KSR2: variants seen among roughly 807,000 people sequenced by gnomAD.
The protein encoded by KSR2 is kinase suppressor of ras 2.
KSR2 carries 25 observed loss-of-function variants against 107.8 expected under a neutral mutation model. The observed-to-expected ratio is 0.23, with a 90% CI of 0.17 to 0.32. The LOEUF is 0.32. Among genes scored for constraint, KSR2 ranks in the 10% least tolerant of loss-of-function variants. The probability of loss-of-function intolerance (pLI) is 1.00; values close to 1 mark genes in which losing one functional copy is unlikely to be tolerated. For synonymous variants in KSR2, 480 were observed against 507.0 expected, an observed-to-expected ratio of 0.95 and a Z score of 0.71; for missense variants, 887 against 1,268.9, an observed-to-expected ratio of 0.70 and a Z score of 4.57.
intron 3 of KSR2, among the ~76,000 whole-genome samples, chr12:117,815,242 A>T (rs2137060628): frequency 6.6e-6 from 1 of 152,368 alleles, no homozygotes; most frequent in African/African-American, 2.4e-5. Flanking sequence ...TGTAACAGCA[A>T]AAGATTGCAA....
chr12:117,932,938 G>A (rs1308083518), intron 1 of KSR2, among the ~76,000 whole-genome samples: 1 of 151,592 alleles, frequency 6.6e-6, no homozygotes, highest in East Asian at 1.9e-4. Context: ...GCTTGAACCT[G>A]GGAGGCAGAG....
chr12:117,491,431 C>T (rs533414603), intron 14 of KSR2, among the ~76,000 whole-genome samples: 7 of 152,272 alleles, frequency 4.6e-5, no homozygotes, highest in Admixed American at 1.3e-4. Flanking sequence ...GCCCCCATCT[C>T]GGCCTCCCAA....
intron 4 of KSR2, among the ~76,000 whole-genome samples, chr12:117,731,615 GAA>G (rs1260271581): frequency 6.6e-6 from 1 of 152,194 alleles, no homozygotes; most frequent in Non-Finnish European, 1.5e-5. Flanking sequence ...GTGGGGAAAA[GAA>G]AGAGAGATCA....
intron 5 of KSR2, among the ~76,000 whole-genome samples, chr12:117,613,422 C>G (rs1881710234): frequency 6.6e-6 from 1 of 152,184 alleles, no homozygotes; most frequent in South Asian, 2.1e-4. Flanking sequence ...AGTTGTCACC[C>G]TGCACCCCAA....
At chr12:117,655,417 A>G (rs1369739032) in intron 5 of KSR2, among the ~76,000 whole-genome samples, 1 of 152,080 alleles carries the variant, frequency 6.6e-6, no homozygotes, top group East Asian at 1.9e-4. Context: ...TACAACACCA[A>G]CTAGGTGGCA....
Position 117,746,114 on chromosome 12 carries a change from T to A in KSR2, c.986+14897A>T, listed in dbSNP as rs557541870. Among the ~76,000 whole-genome samples the A allele has an allele frequency of 2.6e-5, 4 of 152,182 alleles. No homozygotes were observed. The South Asian group carries it at 8.3e-4, about 32-fold the overall frequency. ...TTCATATGGAACCAAAAAAGAGCCC[T>A]TATAGCCAAGACAATCCTAAGCAAA... On this transcript the variant is annotated intron_variant, in intron 4 of 19. Transcript: ENST00000339824.
chr12:117,641,689 T>C (rs559694705), intron 5 of KSR2, among the ~76,000 whole-genome samples: 61 of 152,178 alleles, frequency 4.0e-4, no homozygotes, highest in Middle Eastern at 6.8e-3. Flanking sequence ...GTATTGGGGG[T>C]TAGGACTTCA....
chr12:117,784,523 C>G (rs1245694728), intron 3 of KSR2, among the ~76,000 whole-genome samples: 3 of 152,158 alleles, frequency 2.0e-5, no homozygotes, highest in African/African-American at 7.2e-5. Context: ...GTAATTAGCA[C>G]AGTACCAAAT....
chr12:117,586,775 C>T (rs985268595), intron 5 of KSR2, among the ~76,000 whole-genome samples: 7 of 152,132 alleles, frequency 4.6e-5, no homozygotes, highest in African/African-American at 1.7e-4. Flanking sequence ...TATACACACA[C>T]ATAGCGTATC....
At chr12:117,877,842 C>A (rs1396715796) in intron 1 of KSR2, among the ~76,000 whole-genome samples, 1 of 152,172 alleles carries the variant, frequency 6.6e-6, no homozygotes, top group Non-Finnish European at 1.5e-5. Flanking sequence ...CCAACCCAAG[C>A]CTACGGAATC....
intron 3 of KSR2, among the ~76,000 whole-genome samples, chr12:117,776,963 G>A (rs1173184221): frequency 4.0e-5 from 6 of 151,244 alleles, no homozygotes; most frequent in African/African-American, 1.5e-4. Flanking sequence ...CTGAACCATT[G>A]CGACTAGGAG....
At chr12:117,684,312 G>C (rs1163560097) in intron 4 of KSR2, among the ~76,000 whole-genome samples, 2 of 152,184 alleles carry the variant, frequency 1.3e-5, no homozygotes, top group African/African-American at 2.4e-5. Context: ...GGAAGGCAGG[G>C]GTTGTGTTTA....
chr12:117,948,342 T>C (rs781748028), intron 1 of KSR2, among the ~76,000 whole-genome samples: 1 of 151,836 alleles, frequency 6.6e-6, no homozygotes, highest in Non-Finnish European at 1.5e-5. Flanking sequence ...ACAAAAAAAT[T>C]AGCTGGGCGT....
At chr12:117,532,139 A>T (rs1875682375) in intron 10 of KSR2, among the ~76,000 whole-genome samples, 1 of 152,236 alleles carries the variant, frequency 6.6e-6, no homozygotes, top group Non-Finnish European at 1.5e-5. Context: ...CGAGCATCGT[A>T]TCAGTTTTCT....
chr12:117,892,787 CAAAA>C (rs35897528), intron 1 of KSR2, among the ~76,000 whole-genome samples: 12,194 of 87,060 alleles, frequency 0.14, 614 homozygotes, highest in South Asian at 0.24. Context: ...GTGCTATGTG[CAAAA>C]AAAAAAAAAA....
At chr12:117,689,579 G>A (rs1223530806) in intron 4 of KSR2, among the ~76,000 whole-genome samples, 1 of 152,166 alleles carries the variant, frequency 6.6e-6, no homozygotes, top group Non-Finnish European at 1.5e-5. Flanking sequence ...ACAGTCAGCA[G>A]GCCAGATTTG....
At chr12:117,706,248 T>C (rs1886528063) in intron 4 of KSR2, among the ~76,000 whole-genome samples, 1 of 151,924 alleles carries the variant, frequency 6.6e-6, no homozygotes, top group Non-Finnish European at 1.5e-5. Flanking sequence ...TTCACCATGT[T>C]GGCCAGGCTG....
At chr12:117,815,845 T>A (rs1411283999) in intron 3 of KSR2, among the ~76,000 whole-genome samples, 1 of 151,784 alleles carries the variant, frequency 6.6e-6, no homozygotes, top group Non-Finnish European at 1.5e-5. Flanking sequence ...CATGGTGGCA[T>A]AGGCCTGTAA....
intron 14 of KSR2, among the ~76,000 whole-genome samples, chr12:117,506,865 A>G (rs925497667): frequency 2.4e-4 from 36 of 152,098 alleles, no homozygotes; most frequent in African/African-American, 8.2e-4. Context: ...GTGTATATAT[A>G]TGTATACACA....
Sources: gnomAD v4.1 joint callset for allele counts (sites outside exome capture counted in the v4.1 genomes callset) on GRCh38, gnomAD v4.1.1 for gene constraint, MANE v1.5 for transcripts, NCBI Gene and HGNC (gene_info 2026-07-23, HGNC 2026-07-21) for gene names.